Variants in ZBBX observed in about 807,000 individuals in gnomAD.
ZBBX encodes the protein zinc finger B-box domain containing.
A neutral mutation model predicts 108.5 loss-of-function variants in ZBBX; 101 were observed. The observed-to-expected ratio is 0.93, with a 90% CI of 0.79 to 1.10. The LOEUF (loss-of-function observed/expected upper bound fraction) is 1.10, where lower values mean the gene tolerates loss of function less well. Ranked by LOEUF, ZBBX falls within the 50% of genes least tolerant of loss-of-function variation. The pLI, the probability that ZBBX is intolerant of heterozygous loss-of-function variation, is 0.00. For synonymous variants in ZBBX, 356 were observed against 323.4 expected (o/e 1.10, Z -1.08); for missense variants, 1,009 against 941.4 (o/e 1.07, Z -0.94).
chr3:167,381,245 A>C (rs761428759), upstream of ZBBX: 1 of 152,150 alleles, frequency 6.6e-6, no homozygotes, highest in Non-Finnish European at 1.5e-5. Flanking sequence ...AGAGAAGACA[A>C]TGGTAGTCTT....
At chr3:167,198,776 C>T in the ZBBX span, among the ~76,000 whole-genome samples, 14 of 152,178 alleles carry the variant, frequency 9.2e-5, no homozygotes, top group African/African-American at 3.1e-4. Context: ...TAATAACAAA[C>T]GCACCTTCAA....
chr3:167,325,522 A>C (rs556308365), intron 11 of ZBBX, among the ~76,000 whole-genome samples: 2 of 152,272 alleles, frequency 1.3e-5, no homozygotes, highest in East Asian at 3.9e-4. Context: ...GCTACAATTC[A>C]AGATGAGATT....
chr3:167,235,253 T>C (rs756845957), downstream of ZBBX, among the ~76,000 whole-genome samples: 3 of 151,690 alleles, frequency 2.0e-5, no homozygotes, highest in Non-Finnish European at 4.4e-5. Flanking sequence ...TAAAATAAAA[T>C]GTGCATCTGC....
chr3:167,399,259 T>C (rs1560217137), intron 1 of ZBBX, among the ~76,000 whole-genome samples: 2 of 152,274 alleles, frequency 1.3e-5, no homozygotes, highest in East Asian at 1.9e-4. Context: ...CAATTGTATG[T>C]CAGGGATTGT....
chr3:167,197,045 T>G, the ZBBX span, among the ~76,000 whole-genome samples: 1 of 152,274 alleles, frequency 6.6e-6, no homozygotes, highest in South Asian at 2.1e-4. Context: ...ATACGGTATA[T>G]GAGCAGAAAC....
chr3:167,272,130 T>G (rs985441530), intron 20 of ZBBX, among the ~76,000 whole-genome samples: 4 of 152,188 alleles, frequency 2.6e-5, no homozygotes, highest in Non-Finnish European at 5.9e-5. Context: ...ATGGACCAAA[T>G]GTCTTCCTAT....
At chr3:167,393,202 C>T (rs1748130699) in intron 1 of ZBBX, among the ~76,000 whole-genome samples, 1 of 151,738 alleles carries the variant, frequency 6.6e-6, no homozygotes, top group Non-Finnish European at 1.5e-5. Flanking sequence ...AAATTCTTAC[C>T]AGTGAAATTT....
chr3:167,345,449 A>G (rs1332161402), intron 9 of ZBBX, among the ~76,000 whole-genome samples: 1 of 151,938 alleles, frequency 6.6e-6, no homozygotes, highest in Admixed American at 6.6e-5. Flanking sequence ...ACATACATTT[A>G]AAATATTTTA....
chr3:167,241,994 A>T (rs777934339), intron 21 of ZBBX, among the ~76,000 whole-genome samples: 1 of 152,202 alleles, frequency 6.6e-6, no homozygotes, highest in Admixed American at 6.5e-5. Flanking sequence ...TATAACCTAC[A>T]TTCCTTGTAA....
At chr3:167,377,425 A>G (rs1217450651) in intron 2 of ZBBX, among the ~76,000 whole-genome samples, 1 of 152,192 alleles carries the variant, frequency 6.6e-6, no homozygotes, top group Non-Finnish European at 1.5e-5. Flanking sequence ...GACTCAGATC[A>G]TGCTAGGCAC....
chr3:167,254,334 G>C (rs1401409903), intron 20 of ZBBX, among the ~76,000 whole-genome samples: 1 of 152,148 alleles, frequency 6.6e-6, no homozygotes, highest in East Asian at 1.9e-4. Flanking sequence ...AGTGAACCGG[G>C]TACAGTGTAT....
the ZBBX span, among the ~76,000 whole-genome samples, chr3:167,224,589 TTAA>T: frequency 6.6e-6 from 1 of 151,898 alleles, no homozygotes; most frequent in Non-Finnish European, 1.5e-5. Flanking sequence ...ATTTTATCTG[TTAA>T]TAAGTAAATA....
chr3:167,401,999 T>C (rs547072235), intron 1 of ZBBX, among the ~76,000 whole-genome samples: 69 of 152,268 alleles, frequency 4.5e-4, no homozygotes, highest in Non-Finnish European at 7.1e-4. Context: ...CTGGCAGGTC[T>C]GGATGCAGGA....
chr3:167,392,845 G>A (rs1212078688), intron 1 of ZBBX: 1 of 151,834 alleles, frequency 6.6e-6, no homozygotes, highest in African/African-American at 2.4e-5. Flanking sequence ...AATTTGAGAT[G>A]TTAGACATCG....
In ZBBX at chr3:167,365,921, ATGAT is replaced by A; in HGVS notation, c.234_237del (p.Gln78HisfsTer3). 2 of 1,609,590 alleles carry A rather than the reference ATGAT, an allele frequency of 1.2e-6. No homozygotes were observed. Among genetic ancestry groups the A allele is most frequent in the South Asian group, 1.1e-5 (1 of 90,756 alleles). ...TTTCCTTTATTTTGTGACATCATAT[ATGAT>A]TGATTGACCAATTTGCCCACTTTTC... On this transcript the variant is annotated frameshift_variant, in exon 6 of 22. Coordinates refer to ENST00000675490, the MANE Select transcript of ZBBX (RefSeq NM_001199201.2). LOFTEE classifies it high-confidence loss of function.
intron 16 of ZBBX, among the ~76,000 whole-genome samples, chr3:167,309,035 A>G (rs1734138954): frequency 6.6e-6 from 1 of 152,196 alleles, no homozygotes; most frequent in South Asian, 2.1e-4. Context: ...TTTCCCCAGC[A>G]ACAACCTGAT....
intron 6 of ZBBX, among the ~76,000 whole-genome samples, chr3:167,363,445 CA>C (rs1744837212): frequency 6.6e-6 from 1 of 152,066 alleles, no homozygotes. Flanking sequence ...CACCACTTGT[CA>C]AAAACAATCT....
At chr3:167,360,001 T>C in intron 7 of ZBBX, 22 bp from the exon 8 acceptor site, 1 of 1,345,636 alleles carries the variant, frequency 7.4e-7, no homozygotes, top group South Asian at 1.4e-5. Context: ...AAAATAATAT[T>C]ACTCCAATCA....
intron 20 of ZBBX, among the ~76,000 whole-genome samples, chr3:167,248,819 G>A (rs1722054943): frequency 6.6e-6 from 1 of 152,210 alleles, no homozygotes; most frequent in African/African-American, 2.4e-5. Context: ...GGGAGAAATG[G>A]GGGCAAAGGT....
Sources: gnomAD v4.1 joint callset for allele counts (sites outside exome capture counted in the v4.1 genomes callset) on GRCh38, gnomAD v4.1.1 for gene constraint, MANE v1.5 for transcripts, NCBI Gene and HGNC (gene_info 2026-07-23, HGNC 2026-07-21) for gene names.